WFDC1: variants seen among roughly 807,000 people sequenced by gnomAD.
WFDC1 encodes the protein WAP four-disulfide core domain 1, also known as WAP four-disulfide core domain protein 1.
In WFDC1, 39 loss-of-function variants were observed where a neutral mutation model predicts 32.9. The ratio of observed to expected loss-of-function variants is 1.19; its 90% CI spans 0.92 to 1.55. WFDC1 has a LOEUF of 1.55. Ranked by LOEUF, WFDC1 falls within the 40% of genes most tolerant of loss-of-function variation. The pLI is 0.00. For synonymous variants in WFDC1, 184 were observed against 137.4 expected (o/e 1.34, Z -2.37); for missense variants, 386 against 309.5 (o/e 1.25, Z -1.85).
At chr16:84,301,578 C>G (rs1906938338) in intron 1 of WFDC1, among the ~76,000 whole-genome samples, 1 of 152,152 alleles carries the variant, frequency 6.6e-6, no homozygotes, top group Non-Finnish European at 1.5e-5. Flanking sequence ...AAACCCCCAG[C>G]AGCACCCAGG....
intron 1 of WFDC1, among the ~76,000 whole-genome samples, chr16:84,308,797 G>A (rs1304165502): frequency 5.3e-5 from 8 of 152,080 alleles, no homozygotes; most frequent in East Asian, 3.9e-4. Flanking sequence ...GAGTGTAGAC[G>A]CCAGCCTGGG....
At chr16:84,308,405 A>G (rs1252221554) in intron 1 of WFDC1, among the ~76,000 whole-genome samples, 1 of 152,178 alleles carries the variant, frequency 6.6e-6, no homozygotes, top group African/African-American at 2.4e-5. Context: ...CCAGGCAGGG[A>G]CAGACACAGC....
At chr16:84,297,203 C>A (rs1291226748) in intron 1 of WFDC1, among the ~76,000 whole-genome samples, 1 of 152,168 alleles carries the variant, frequency 6.6e-6, no homozygotes, top group Non-Finnish European at 1.5e-5. Flanking sequence ...TCACTTGTAG[C>A]CACCACTGGT....
At chr16:84,299,225 A>C (rs244828) in intron 1 of WFDC1, among the ~76,000 whole-genome samples, 2 of 151,910 alleles carry the variant, frequency 1.3e-5, no homozygotes, top group South Asian at 2.1e-4. Context: ...TTAGCCGGGC[A>C]TGGTGGCGCA....
chr16:84,321,184 C>T (rs898377508), intron 4 of WFDC1, among the ~76,000 whole-genome samples: 2 of 152,240 alleles, frequency 1.3e-5, no homozygotes, highest in Non-Finnish European at 2.9e-5. Flanking sequence ...CTTTTCAGGC[C>T]TCATTTGCCT....
intron 2 of WFDC1, chr16:84,317,326 AAATAAATAAAT>A: frequency 7.0e-6 from 1 of 141,872 alleles, no homozygotes; most frequent in African/African-American, 2.7e-5. Context: ...ATAAATAAAT[AAATAAATAAAT>A]AAGAAGTAAA....
At chr16:84,318,208 C>CCCCAAGCCT in intron 2 of WFDC1, 64 bp from the exon 3 acceptor site, 1 of 1,542,270 alleles carries the variant, frequency 6.5e-7, no homozygotes. Context: ...TGCCCCCAGC[C>CCCCAAGCCT]CCCAAGCCTG....
chr16:84,325,702 T>C (rs544352269), intron 5 of WFDC1: 1 of 151,482 alleles, frequency 6.6e-6, no homozygotes, highest in East Asian at 2.0e-4. Flanking sequence ...ATCGATCTAT[T>C]CATCCATCTG....
At chr16:84,324,377 TA>T (rs777261771) in intron 4 of WFDC1, 41 bp from the exon 5 acceptor site, 5 of 1,601,900 alleles carry the variant, frequency 3.1e-6, no homozygotes, top group Non-Finnish European at 4.3e-6. Context: ...TTTGGCCTTC[TA>T]AACTCCTAAA....
At chr16:84,320,820 C>T (rs1216435906) in intron 4 of WFDC1, among the ~76,000 whole-genome samples, 1 of 152,104 alleles carries the variant, frequency 6.6e-6, no homozygotes, top group South Asian at 2.1e-4. Context: ...TTACAGTGAC[C>T]CTATTTGCCG....
At chr16:84,308,127 G>A (rs796096608) in intron 1 of WFDC1, among the ~76,000 whole-genome samples, 6 of 152,210 alleles carry the variant, frequency 3.9e-5, no homozygotes, top group African/African-American at 1.4e-4. Flanking sequence ...GGGGGCCAGG[G>A]GCCCCCCTCC....
At chr16:84,318,910 T>TTGTG (rs58546650) in intron 3 of WFDC1, 139 of 165,696 alleles carry the variant, frequency 8.4e-4, no homozygotes, top group Non-Finnish European at 3.8e-4. Context: ...GGCTGAATAT[T>TTGTG]TGTGTGTGTG....
chr16:84,302,203 G>C (rs1906981968), intron 1 of WFDC1, among the ~76,000 whole-genome samples: 1 of 152,138 alleles, frequency 6.6e-6, no homozygotes, highest in South Asian at 2.1e-4. Flanking sequence ...CCAGGGGCTG[G>C]GGGAGGGAGG....
Position 84,313,171 on chromosome 16 carries a change from G to A in WFDC1, c.337+18G>A. Reference sequence around the variant, plus strand: ...CCCGCCAGGTAGGTCCTGGGCCCGAGGGAGGGGGCTGAGGGAGGAGGACAG... The same window carrying A: ...CCCGCCAGGTAGGTCCTGGGCCCGAAGGAGGGGGCTGAGGGAGGAGGACAG... On this transcript the variant is annotated intron_variant, in intron 2 of 6. Transcript: ENST00000219454. 1 of 1,405,166 alleles carries A rather than the reference G, an allele frequency of 7.1e-7. No homozygotes were observed. Among genetic ancestry groups the A allele is most frequent in the South Asian group, 1.6e-5 (1 of 63,046 alleles). The allele number at this position is 1,405,166 out of a possible 1,614,324, so 87.0% of individuals were successfully genotyped here. A position where few individuals can be genotyped will look rare whatever the true frequency, so the allele number is the denominator to read the frequency against.
Position 84,313,017 on chromosome 16 carries a change from G to GCCGCCTCCGCGGACGCTGCCCC in WFDC1, c.205_226dup (p.Gly76AlafsTer68). The stretch of plus-strand genomic sequence containing the variant: ...GGCAGCCCCGAGCAGACCGCTGCCC[G>GCCGCCTCCGCGGACGCTGCCCC]CCGCCTCCGCGGACGCTGCCCCCCG... On this transcript the variant is annotated frameshift_variant, in exon 2 of 7. Transcript: ENST00000219454. LOFTEE classifies it high-confidence loss of function. The GCCGCCTCCGCGGACGCTGCCCC allele has an allele frequency of 7.7e-7, 1 of 1,297,538 alleles. No individual in the cohort carries two copies. Among genetic ancestry groups the GCCGCCTCCGCGGACGCTGCCCC allele is most frequent in the Non-Finnish European group, 9.8e-7 (1 of 1,024,574 alleles). The allele number at this position is 1,297,538 out of a possible 1,614,324, so 80.4% of individuals were successfully genotyped here. A position where few individuals can be genotyped will look rare whatever the true frequency, so the allele number is the denominator to read the frequency against.
chr16:84,295,422 C>T, intron 1 of WFDC1: 1 of 485,740 alleles, frequency 2.1e-6, no homozygotes, highest in Admixed American at 3.8e-5. Flanking sequence ...ATTTCGGAAC[C>T]CCAGGATTTA....
chr16:84,313,241 TAAAGCTGGGCCACC>T (rs1447360926), intron 2 of WFDC1, 88 bp downstream of exon 2: 4 of 1,252,278 alleles, frequency 3.2e-6, no homozygotes, highest in Non-Finnish European at 4.1e-6. Flanking sequence ...GAGCTGGGCT[TAAAGCTGGGCCACC>T]TGGGCGGGTC....
intron 5 of WFDC1, chr16:84,326,437 G>A (rs1908606727): frequency 5.9e-6 from 1 of 170,276 alleles, no homozygotes; most frequent in Admixed American, 5.6e-5. Context: ...AGCCCAAGTG[G>A]TTATTTTATG....
intron 1 of WFDC1, 40 bp downstream of exon 1, chr16:84,295,155 G>T (rs1417951549): frequency 2.5e-6 from 4 of 1,606,090 alleles, no homozygotes; most frequent in Non-Finnish European, 2.6e-6. Context: ...AGCCTGTGTG[G>T]GTGGGAGTCA....
Sources: gnomAD v4.1 joint callset for allele counts (sites outside exome capture counted in the v4.1 genomes callset) on GRCh38, gnomAD v4.1.1 for gene constraint, MANE v1.5 for transcripts, NCBI Gene and HGNC (gene_info 2026-07-23, HGNC 2026-07-21) for gene names.